The following KCNQ3 variants were observed in gnomAD, a reference collection of about 807,000 sequenced individuals.
The protein encoded by KCNQ3 is potassium voltage-gated channel subfamily KQT member 3.
A neutral mutation model predicts 92.5 loss-of-function variants in KCNQ3; 30 were observed. The observed-to-expected ratio is 0.32, with a 90% CI of 0.24 to 0.44. The LOEUF (loss-of-function observed/expected upper bound fraction) is 0.44. Ranked by LOEUF, KCNQ3 falls within the 20% of genes least tolerant of loss-of-function variation. The probability of loss-of-function intolerance (pLI) is 1.00; values close to 1 mark genes in which losing one functional copy is unlikely to be tolerated. For missense variants in KCNQ3, 913 were observed against 1,140.3 expected, an observed-to-expected ratio of 0.80 and a Z score of 2.87; for synonymous variants, 450 against 468.8, an observed-to-expected ratio of 0.96 and a Z score of 0.52.
intron 1 of KCNQ3, among the ~76,000 whole-genome samples, chr8:132,405,662 C>G (rs2673561): frequency 0.55 from 84,130 of 151,632 alleles, 25,152 homozygotes; most frequent in South Asian, 0.74. Context: ...AGCATGTCGA[C>G]CAACTCTACG....
intron 1 of KCNQ3, among the ~76,000 whole-genome samples, chr8:132,351,445 C>T (rs960649520): frequency 1.3e-5 from 2 of 152,200 alleles, no homozygotes; most frequent in Admixed American, 1.3e-4. Flanking sequence ...CTAATTTCTA[C>T]GAAAGTCAAC....
chr8:132,271,779 AAAG>A (rs544177572), intron 1 of KCNQ3, among the ~76,000 whole-genome samples: 217 of 152,298 alleles, frequency 1.4e-3, no homozygotes, highest in Admixed American at 3.9e-3. Context: ...CTGGATGTGG[AAAG>A]AAGGCTGAGT....
intron 1 of KCNQ3, among the ~76,000 whole-genome samples, chr8:132,456,179 C>T (rs1821934328): frequency 6.6e-6 from 1 of 152,276 alleles, no homozygotes; most frequent in South Asian, 2.1e-4. Flanking sequence ...CTCCAAAAAG[C>T]CTCTGTCACC....
intron 1 of KCNQ3, among the ~76,000 whole-genome samples, chr8:132,403,016 C>CAAAAAAAAGAAAAAAAAAAAA (rs1820382423): frequency 1.5e-5 from 1 of 67,632 alleles, no homozygotes; most frequent in Non-Finnish European, 2.4e-5. Context: ...GGCACCATCA[C>CAAAAAAAAGAAAAAAAAAAAA]AAAAAAAAAA....
chr8:132,409,344 G>A (rs1820587228), intron 1 of KCNQ3, among the ~76,000 whole-genome samples: 1 of 152,020 alleles, frequency 6.6e-6, no homozygotes, highest in Non-Finnish European at 1.5e-5. Flanking sequence ...CACAGATACA[G>A]TTCCTGATCC....
At chr8:132,194,201 AT>A (rs1827242187) in intron 1 of KCNQ3, among the ~76,000 whole-genome samples, 1 of 152,216 alleles carries the variant, frequency 6.6e-6, no homozygotes, top group Non-Finnish European at 1.5e-5. Flanking sequence ...GCAGAATTGA[AT>A]TGTCTAAAAG....
intron 1 of KCNQ3, among the ~76,000 whole-genome samples, chr8:132,254,402 T>G (rs567882202): frequency 6.6e-6 from 1 of 152,330 alleles, no homozygotes; most frequent in Admixed American, 6.5e-5. Flanking sequence ...AGGCATAAAC[T>G]GAAGTATATC....
intron 1 of KCNQ3, among the ~76,000 whole-genome samples, chr8:132,360,437 G>A (rs377707617): frequency 5.9e-5 from 9 of 152,294 alleles, no homozygotes; most frequent in African/African-American, 1.9e-4. Context: ...CATGGGGGCC[G>A]AGGCTTCATT....
At chr8:132,310,514 C>T (rs998816338) in intron 1 of KCNQ3, among the ~76,000 whole-genome samples, 6 of 152,248 alleles carry the variant, frequency 3.9e-5, no homozygotes, top group Admixed American at 6.5e-5. Context: ...CAGCAGAGGA[C>T]GAGTTCCACT....
At chr8:132,479,628 G>GACACACACACAC (rs71306386) in intron 1 of KCNQ3, among the ~76,000 whole-genome samples, 7 of 144,162 alleles carry the variant, frequency 4.9e-5, no homozygotes, top group African/African-American at 1.5e-4. Flanking sequence ...ACAAGCAAGC[G>GACACACACACAC]ACACACACAC....
intron 1 of KCNQ3, among the ~76,000 whole-genome samples, chr8:132,381,221 G>A (rs886963494): frequency 1.9e-4 from 29 of 152,260 alleles, no homozygotes; most frequent in Admixed American, 1.2e-3. Context: ...GCTGAATAGC[G>A]GCAGTGTTAA....
chr8:132,133,354 CTTTTTTTTT>C (rs10673519), intron 13 of KCNQ3, among the ~76,000 whole-genome samples: 4 of 103,478 alleles, frequency 3.9e-5, no homozygotes, highest in Admixed American at 1.3e-4. Flanking sequence ...GCTCTCGATT[CTTTTTTTTT>C]TTTTTTTTTT....
intron 1 of KCNQ3, among the ~76,000 whole-genome samples, chr8:132,400,114 G>A (rs1435307196): frequency 6.6e-6 from 1 of 152,196 alleles, no homozygotes; most frequent in Non-Finnish European, 1.5e-5. Flanking sequence ...CAGGTGAAGA[G>A]CTGCATGTTC....
intron 1 of KCNQ3, among the ~76,000 whole-genome samples, chr8:132,339,682 T>C (rs1318022916): frequency 2.0e-5 from 3 of 152,274 alleles, no homozygotes; most frequent in Middle Eastern, 3.4e-3. Context: ...AGAGGGCTTA[T>C]ATGACAAGCA....
chr8:132,348,020 G>T (rs181037707), intron 1 of KCNQ3, among the ~76,000 whole-genome samples: 1 of 147,312 alleles, frequency 6.8e-6, no homozygotes, highest in Admixed American at 6.8e-5. Flanking sequence ...CACTATTCCA[G>T]ATAAGGGGAG....
intron 9 of KCNQ3, among the ~76,000 whole-genome samples, chr8:132,161,159 A>C (rs371649824): frequency 7.8e-4 from 119 of 152,318 alleles, no homozygotes; most frequent in African/African-American, 2.8e-3. Flanking sequence ...TATGGACTTG[A>C]GCTTTTTCCA....
chr8:132,247,992 G>A (rs1364376467), intron 1 of KCNQ3, among the ~76,000 whole-genome samples: 1 of 151,948 alleles, frequency 6.6e-6, no homozygotes, highest in East Asian at 1.9e-4. Flanking sequence ...CTATAGTATA[G>A]AGGTGGAAAC....
At chr8:132,390,422 C>T (rs1412622943) in intron 1 of KCNQ3, among the ~76,000 whole-genome samples, 1 of 152,152 alleles carries the variant, frequency 6.6e-6, no homozygotes, top group Non-Finnish European at 1.5e-5. Flanking sequence ...TTCAGCTGTA[C>T]ATTGTGTTAC....
chr8:132,450,297 A>G (rs1292369055), intron 1 of KCNQ3, among the ~76,000 whole-genome samples: 1 of 151,956 alleles, frequency 6.6e-6, no homozygotes, highest in South Asian at 2.1e-4. Context: ...ACCTCTAGCT[A>G]GCCACAGAGT....
Sources: allele counts gnomAD v4.1 joint callset (sites outside exome capture counted in the v4.1 genomes callset), GRCh38; gene constraint gnomAD v4.1.1; transcripts MANE v1.5; gene names NCBI Gene and HGNC (gene_info 2026-07-23, HGNC 2026-07-21).